ZNF804B: variants seen among roughly 807,000 people sequenced by gnomAD.
ZNF804B encodes the protein zinc finger protein 804B, also known as zinc finger 804B.
Under a neutral mutation model 101.4 loss-of-function variants are expected in ZNF804B, and 80 were observed. The observed-to-expected ratio is 0.79, with a 90% confidence interval of 0.66 to 0.95. The LOEUF (loss-of-function observed/expected upper bound fraction) is 0.95. Ranked by LOEUF, ZNF804B falls within the 40% of genes least tolerant of loss-of-function variation. ZNF804B has a pLI of 0.00. For missense variants in ZNF804B, 1,673 were observed against 1,561.9 expected (o/e 1.07, Z -1.20); for synonymous variants, 622 against 558.8 (o/e 1.11, Z -1.59).
At chr7:89,234,386 C>G (rs946474362) in intron 2 of ZNF804B, among the ~76,000 whole-genome samples, 1 of 151,922 alleles carries the variant, frequency 6.6e-6, no homozygotes, top group African/African-American at 2.4e-5. Flanking sequence ...TAATATCAAA[C>G]TAGATTCTAA....
chr7:89,222,027 A>G (rs368301009), intron 2 of ZNF804B, among the ~76,000 whole-genome samples: 216 of 152,114 alleles, frequency 1.4e-3, no homozygotes, highest in African/African-American at 4.9e-3. Flanking sequence ...GAGAGCACAC[A>G]AAACTGATTC....
intron 1 of ZNF804B, among the ~76,000 whole-genome samples, chr7:88,974,716 G>T (rs1384677865): frequency 6.6e-6 from 1 of 151,196 alleles, no homozygotes; most frequent in African/African-American, 2.4e-5. Flanking sequence ...TTTTCATACA[G>T]GCATACAGTA....
chr7:88,946,910 A>G (rs756334423), intron 1 of ZNF804B, among the ~76,000 whole-genome samples: 2 of 152,060 alleles, frequency 1.3e-5, no homozygotes, highest in Non-Finnish European at 2.9e-5. Context: ...AACATACGAA[A>G]AAAAAGCTCA....
chr7:88,980,762 C>G (rs1487883595), intron 1 of ZNF804B, among the ~76,000 whole-genome samples: 1 of 152,008 alleles, frequency 6.6e-6, no homozygotes, highest in Non-Finnish European at 1.5e-5. Flanking sequence ...TAGGTCATAC[C>G]TGAAGACAGT....
At chr7:89,116,073 A>ATTT (rs146470822) in intron 1 of ZNF804B, among the ~76,000 whole-genome samples, 10 of 140,720 alleles carry the variant, frequency 7.1e-5, no homozygotes, top group African/African-American at 1.9e-4. Context: ...CCCAGTTATT[A>ATTT]TTTTTTTTTT....
At chr7:89,087,545 A>C (rs1789823485) in intron 1 of ZNF804B, among the ~76,000 whole-genome samples, 2 of 152,024 alleles carry the variant, frequency 1.3e-5, no homozygotes, top group South Asian at 4.1e-4. Flanking sequence ...TTGCAAATTT[A>C]ACTAGTTTTG....
chr7:88,981,054 T>C (rs1793686886), intron 1 of ZNF804B, among the ~76,000 whole-genome samples: 1 of 152,018 alleles, frequency 6.6e-6, no homozygotes, highest in South Asian at 2.1e-4. Flanking sequence ...TCTTCCCTCT[T>C]CTTTCCTCAA....
In ZNF804B at chr7:88,795,051, CAAA is replaced by C. The variant is rs35996371; in HGVS notation, c.108+34976_108+34978del. ...GAACTCGTGTTTTTATTTCTTCTGA[CAAA>C]AAAAAAAAGAGTAAATCACGGTTTG... is the stretch of plus-strand genomic sequence containing the variant. On this transcript the variant is annotated intron_variant, in intron 1 of 3. Coordinates refer to ENST00000333190, the MANE Select transcript of ZNF804B (RefSeq NM_181646.5). The C allele has an allele frequency of 6.6e-4, 487 of 741,058 alleles. 1 individual carries two copies. Among genetic ancestry groups the C allele is most frequent in the African/African-American group, 6.2e-3 (344 of 55,066 alleles). The allele number at this position is 741,058 out of a possible 1,614,324, so 45.9% of individuals were successfully genotyped here.
At chr7:89,036,018 T>C (rs1296054839) in intron 1 of ZNF804B, among the ~76,000 whole-genome samples, 1 of 109,026 alleles carries the variant, frequency 9.2e-6, no homozygotes, top group Non-Finnish European at 2.1e-5. Context: ...ATATATAGTA[T>C]ATATTAATAT....
chr7:89,011,934 A>T (rs1224213449), intron 1 of ZNF804B, among the ~76,000 whole-genome samples: 1 of 151,976 alleles, frequency 6.6e-6, no homozygotes, highest in Non-Finnish European at 1.5e-5. Flanking sequence ...CAAACCCTAC[A>T]TTTTCCCTCT....
Position 89,298,216 on chromosome 7 carries a change from G to GTGTA in ZNF804B, c.250-29127_250-29126insGTAT, listed in dbSNP as rs1421058768. ...ATATCTATATAGTGTGTGTGTGTGT[G>GTGTA]TATATATATATATATATATATATAT... On this transcript the variant is annotated intron_variant, in intron 2 of 3. Transcript: ENST00000333190. Among the ~76,000 whole-genome samples the GTGTA allele has an allele frequency of 6.5e-3, 178 of 27,500 alleles. 1 individual carries two copies. Among genetic ancestry groups the GTGTA allele is most frequent in the Non-Finnish European group, 8.4e-3 (140 of 16,634 alleles). The allele number at this position is 27,500 out of a possible 152,430, so 18.0% of individuals were successfully genotyped here.
intron 2 of ZNF804B, among the ~76,000 whole-genome samples, chr7:89,285,407 T>C (rs200380797): frequency 6.7e-6 from 1 of 148,210 alleles, no homozygotes; most frequent in Non-Finnish European, 1.5e-5. Flanking sequence ...CCTGTAGTCC[T>C]AGCTACTTGG....
In ZNF804B at chr7:89,335,817, G is replaced by C; in HGVS notation, c.2835G>C (p.Glu945Asp). 6.2e-7 allele frequency: 1 copy of C among 1,614,014 alleles called. No individual in the cohort carries two copies. Among genetic ancestry groups the C allele is most frequent in the Non-Finnish European group, 8.5e-7 (1 of 1,179,978 alleles). The change falls in exon 4 of 4, where the codon GAG becomes GAC. Residue 945 changes from glutamate to aspartate, a missense_variant. Coordinates refer to ENST00000333190, the MANE Select transcript of ZNF804B (RefSeq NM_181646.5). Reference protein sequence around the residue: ...KKCQEQSSNVEISSNSCKSEL... With the variant: ...KKCQEQSSNVDISSNSCKSEL... ...GTCAAGAACAATCAAGTAATGTTGA[G>C]ATCTCTTCAAACAGTTGTAAAAGTG... is the stretch of plus-strand genomic sequence containing the variant.
intron 1 of ZNF804B, among the ~76,000 whole-genome samples, chr7:89,141,668 T>C (rs1023827903): frequency 1.3e-5 from 2 of 152,000 alleles, no homozygotes; most frequent in African/African-American, 4.8e-5. Context: ...TACCACTTTA[T>C]ATTCCTACCA....
At chr7:89,131,165 A>C (rs949098613) in intron 1 of ZNF804B, among the ~76,000 whole-genome samples, 2 of 152,034 alleles carry the variant, frequency 1.3e-5, no homozygotes, top group African/African-American at 4.8e-5. Context: ...AATTGACTTT[A>C]TGCAGCATTT....
At chr7:89,057,728 G>T (rs1004262474) in intron 1 of ZNF804B, among the ~76,000 whole-genome samples, 3 of 152,050 alleles carry the variant, frequency 2.0e-5, no homozygotes, top group Non-Finnish European at 4.4e-5. Flanking sequence ...CCACTGTGGA[G>T]TGGGGTTAGA....
intron 1 of ZNF804B, among the ~76,000 whole-genome samples, chr7:88,831,001 G>C (rs1791124182): frequency 6.6e-6 from 1 of 151,712 alleles, no homozygotes; most frequent in Non-Finnish European, 1.5e-5. Flanking sequence ...AAATATTTTA[G>C]TTTGTCAGTT....
chr7:88,938,872 G>A (rs942219028), intron 1 of ZNF804B, among the ~76,000 whole-genome samples: 11 of 151,760 alleles, frequency 7.2e-5, no homozygotes, highest in South Asian at 2.1e-4. Context: ...AAAAACCACC[G>A]GAATTATTTC....
At chr7:89,200,351 A>G (rs1486405481) in intron 1 of ZNF804B, among the ~76,000 whole-genome samples, 1 of 152,002 alleles carries the variant, frequency 6.6e-6, no homozygotes, top group Non-Finnish European at 1.5e-5. Context: ...GTAAGAGTTT[A>G]ATACATAGTT....
Sources: gnomAD v4.1 joint callset for allele counts (sites outside exome capture counted in the v4.1 genomes callset) on GRCh38, gnomAD v4.1.1 for gene constraint, MANE v1.5 for transcripts, NCBI Gene and HGNC (gene_info 2026-07-23, HGNC 2026-07-21) for gene names.